GRK1: variants seen among roughly 807,000 people sequenced by gnomAD.
GRK1 encodes the protein G protein-coupled receptor kinase 1, also known as rhodopsin kinase GRK1.
GRK1 carries 28 observed loss-of-function variants against 41.7 expected under a neutral mutation model. The observed-to-expected ratio is 0.67, with a 90% CI of 0.50 to 0.92. The LOEUF (loss-of-function observed/expected upper bound fraction) is 0.92. Among genes scored for constraint, GRK1 ranks in the 40% least tolerant of loss-of-function variants. The pLI is 0.00. For synonymous variants in GRK1, 327 were observed against 286.7 expected, an observed-to-expected ratio of 1.14 and a Z score of -1.42; for missense variants, 703 against 671.2, an observed-to-expected ratio of 1.05 and a Z score of -0.52.
the GRK1 span, among the ~76,000 whole-genome samples, chr13:113,660,618 G>C: frequency 6.6e-6 from 1 of 152,248 alleles, no homozygotes; most frequent in African/African-American, 2.4e-5. Flanking sequence ...TTATCCCAGA[G>C]CTTTGGGAGG....
chr13:113,670,920 G>A (rs1269388478), intron 2 of GRK1, among the ~76,000 whole-genome samples: 3 of 151,804 alleles, frequency 2.0e-5, no homozygotes, highest in South Asian at 2.1e-4. Flanking sequence ...TGGTGGCTCT[G>A]GCCGCCTTGT....
chr13:113,670,970 G>A (rs1156324260), intron 2 of GRK1, among the ~76,000 whole-genome samples: 1 of 152,008 alleles, frequency 6.6e-6, no homozygotes, highest in Non-Finnish European at 1.5e-5. Flanking sequence ...TGTTTCCTGT[G>A]ACGATACTCC....
In GRK1 at chr13:113,670,408, G is replaced by C. The variant is rs547125752; in HGVS notation, c.827+594G>C. ...TGTTTCCTGGTCTGTAAAATGGGGA[G>C]AGATAATATCTGAGTCCAGAGACTG... On this transcript the variant is annotated intron_variant, in intron 2 of 6. Coordinates refer to ENST00000335678, the MANE Select transcript of GRK1 (RefSeq NM_002929.3). 1.3e-3 allele frequency among the ~76,000 whole-genome samples: 193 copies of C among 152,356 alleles called. 1 individual carries two copies. The highest frequency in any genetic ancestry group is 4.2e-3 in the African/African-American group (175 of 41,574).
chr13:113,658,127 C>T, the GRK1 span: 1 of 1,612,758 alleles, frequency 6.2e-7, no homozygotes, highest in Non-Finnish European at 8.5e-7. Context: ...ACGTCTTCTT[C>T]TCCTGCAGAG....
At chr13:113,667,021 T>C (rs1471388105), upstream of GRK1, 4 of 176,148 alleles carry the variant, frequency 2.3e-5, no homozygotes, top group Non-Finnish European at 4.9e-5. The surrounding 1 kb of genome is among the most constrained non-coding windows in gnomAD (Gnocchi z 7.5). Flanking sequence ...AGAAGCCTGG[T>C]GGTTGTTTGT....
the GRK1 span, among the ~76,000 whole-genome samples, chr13:113,655,550 A>G: frequency 6.6e-6 from 1 of 152,192 alleles, no homozygotes; most frequent in Non-Finnish European, 1.5e-5. Flanking sequence ...CTTCCCCTGC[A>G]GCGTCAGAAC....
chr13:113,655,194 C>T, the GRK1 span, among the ~76,000 whole-genome samples: 3 of 152,210 alleles, frequency 2.0e-5, no homozygotes, highest in African/African-American at 4.8e-5. Context: ...TCCTGCGACC[C>T]GAGGCAGTTG....
upstream of GRK1, among the ~76,000 whole-genome samples, chr13:113,666,610 C>T (rs114349058): frequency 9.5e-3 from 1,450 of 152,138 alleles, 19 homozygotes; most frequent in African/African-American, 0.033. Flanking sequence ...GATGTAGCTC[C>T]GGGGATCTTC....
At position 113,671,735 on chromosome 13, in the gene GRK1, C is replaced by T; in HGVS notation, c.985+79C>T. ...AGCTTCCTTGGGGGTCTCTGCACAACCTCACGAGGGCTGACGGCTGTGTGG... is the reference window on the plus strand; with the variant it reads ...AGCTTCCTTGGGGGTCTCTGCACAATCTCACGAGGGCTGACGGCTGTGTGG... On this transcript the variant is annotated intron_variant, in intron 3 of 6. Coordinates refer to ENST00000335678, the MANE Select transcript of GRK1 (RefSeq NM_002929.3). This position sits in a 1 kb window ranked among gnomAD's most constrained non-coding sequence, Gnocchi z 4.1. 1 of 696,614 alleles carries T rather than the reference C, an allele frequency of 1.4e-6. No homozygotes were observed. The highest frequency in any genetic ancestry group is 2.6e-6 in the Non-Finnish European group (1 of 382,146). 43.2% of individuals were successfully genotyped at this position (696,614 alleles called of 1,614,324 possible). A position where few individuals can be genotyped will look rare whatever the true frequency, so the allele number is the denominator to read the frequency against.
the GRK1 span, among the ~76,000 whole-genome samples, chr13:113,658,369 C>T: frequency 5.3e-5 from 8 of 152,246 alleles, no homozygotes; most frequent in Non-Finnish European, 8.8e-5. Context: ...GCGGGCCAGG[C>T]CCGCTTTCCT....
the GRK1 span, chr13:113,655,022 G>A: frequency 1.3e-6 from 2 of 1,558,014 alleles, no homozygotes; most frequent in Non-Finnish European, 1.7e-6. Context: ...GCGCGTCCGT[G>A]ATGTGGCGTG....
chr13:113,728,179 G>A (rs1483016373), intron 4 of GRK1, among the ~76,000 whole-genome samples: 3 of 121,504 alleles, frequency 2.5e-5, no homozygotes, highest in Admixed American at 7.7e-5. Flanking sequence ...TACCCATGGC[G>A]AGGAGTACCC....
chr13:113,665,410 C>T (rs893457200), upstream of GRK1, among the ~76,000 whole-genome samples: 30 of 135,750 alleles, frequency 2.2e-4, no homozygotes, highest in African/African-American at 8.2e-4. Flanking sequence ...CTCAGATGTG[C>T]CCCAGCTGTC....
At chr13:113,723,268 G>A in intron 4 of GRK1, 111 bp downstream of exon 4, 1 of 548,918 alleles carries the variant, frequency 1.8e-6, no homozygotes, top group Non-Finnish European at 3.4e-6. Flanking sequence ...ATATAGGTGT[G>A]TCTGTGTGCA....
chr13:113,672,284 T>TATAA (rs2049862727), intron 3 of GRK1, among the ~76,000 whole-genome samples: 1 of 150,162 alleles, frequency 6.7e-6, no homozygotes, highest in African/African-American at 2.5e-5. Context: ...GTGCGGTGTG[T>TATAA]GTAAGTCTGA....
upstream of GRK1, among the ~76,000 whole-genome samples, chr13:113,664,091 G>C (rs2140712040): frequency 6.6e-6 from 1 of 152,316 alleles, no homozygotes; most frequent in East Asian, 1.9e-4. This position sits in a 1 kb window ranked among gnomAD's most constrained non-coding sequence, Gnocchi z 5.4. Context: ...CAGAGACGAG[G>C]AGGGAATGGC....
chr13:113,733,950 G>T (rs2049977380), intron 6 of GRK1, among the ~76,000 whole-genome samples: 1 of 147,146 alleles, frequency 6.8e-6, no homozygotes. Flanking sequence ...GTGTGCGTGT[G>T]TGTGCATACG....
chr13:113,670,085 G>T (rs1416702146), intron 2 of GRK1, among the ~76,000 whole-genome samples: 4 of 152,190 alleles, frequency 2.6e-5, no homozygotes, highest in Non-Finnish European at 4.4e-5. Context: ...GAGGCACGTG[G>T]TGCTGTGGGG....
At chr13:113,733,949 T>C (rs576336576) in intron 6 of GRK1, among the ~76,000 whole-genome samples, 4 of 148,608 alleles carry the variant, frequency 2.7e-5, no homozygotes, top group Non-Finnish European at 4.4e-5. Flanking sequence ...TGTGTGCGTG[T>C]GTGTGCATAC....
Sources: allele counts gnomAD v4.1 joint callset (sites outside exome capture counted in the v4.1 genomes callset), GRCh38; gene constraint gnomAD v4.1.1; non-coding constraint Gnocchi (gnomAD v3.1); transcripts MANE v1.5; gene names NCBI Gene and HGNC (gene_info 2026-07-23, HGNC 2026-07-21).